Variants in SLIT2 observed in about 807,000 individuals in gnomAD.
SLIT2 encodes the protein slit homolog 2 protein.
SLIT2 carries 41 observed loss-of-function variants against 185.7 expected under a neutral mutation model. The ratio of observed to expected loss-of-function variants is 0.22; its 90% CI spans 0.17 to 0.29. The LOEUF (loss-of-function observed/expected upper bound fraction) is 0.29. Ranked by LOEUF, SLIT2 falls within the 10% of genes least tolerant of loss-of-function variation. The probability of loss-of-function intolerance (pLI) is 1.00; values close to 1 mark genes in which losing one functional copy is unlikely to be tolerated. For missense variants in SLIT2, 1,571 were observed against 1,909.0 expected, an observed-to-expected ratio of 0.82 and a Z score of 3.30; for synonymous variants, 693 against 680.2, an observed-to-expected ratio of 1.02 and a Z score of -0.29.
chr4:20,523,923 A>C lies in SLIT2; in HGVS notation c.1274+20A>C. 6.2e-7 allele frequency: 1 copy of C among 1,613,694 alleles called. No homozygotes were observed. On this transcript the variant is annotated intron_variant, in intron 13 of 36. Coordinates refer to ENST00000504154, the MANE Select transcript of SLIT2 (RefSeq NM_004787.4). Reference sequence around the variant, plus strand: ...AACTATGTATGTATAAGTGATTTGGATCACTTTTGATGACATTGTTTCCTC... The same window carrying C: ...AACTATGTATGTATAAGTGATTTGGCTCACTTTTGATGACATTGTTTCCTC...
chr4:20,546,852 G>C (rs1021614075), intron 22 of SLIT2, among the ~76,000 whole-genome samples: 2 of 151,846 alleles, frequency 1.3e-5, no homozygotes, highest in Non-Finnish European at 2.9e-5. Flanking sequence ...TGGTAATTGA[G>C]AAAACTTTTC....
At chr4:20,572,108 G>T (rs1433895341) in intron 29 of SLIT2, among the ~76,000 whole-genome samples, 3 of 152,216 alleles carry the variant, frequency 2.0e-5, no homozygotes, top group Non-Finnish European at 4.4e-5. Flanking sequence ...TGTTAGAGGA[G>T]AAAATTCTCT....
intron 4 of SLIT2, among the ~76,000 whole-genome samples, chr4:20,431,717 C>T (rs566655835): frequency 3.9e-5 from 6 of 152,270 alleles, no homozygotes; most frequent in East Asian, 1.9e-4. Flanking sequence ...AAGGGCTGGT[C>T]GAGGTCCGCT....
At chr4:20,342,176 T>G (rs1037211098) in intron 4 of SLIT2, among the ~76,000 whole-genome samples, 10 of 152,212 alleles carry the variant, frequency 6.6e-5, no homozygotes, top group Non-Finnish European at 1.3e-4. Context: ...ATTAGTGATT[T>G]CCTTTAAGTT....
intron 3 of SLIT2, among the ~76,000 whole-genome samples, chr4:20,262,454 C>T (rs1712575845): frequency 6.6e-6 from 1 of 151,824 alleles, no homozygotes; most frequent in South Asian, 2.1e-4. Flanking sequence ...AAGGATTAGT[C>T]TCTTCTGACT....
chr4:20,411,599 C>G (rs777517531), intron 4 of SLIT2, among the ~76,000 whole-genome samples: 1 of 152,168 alleles, frequency 6.6e-6, no homozygotes, highest in Non-Finnish European at 1.5e-5. Flanking sequence ...AACTTGAACT[C>G]AGCAAGGTCC....
chr4:20,608,173 G>C (rs1728934703), intron 33 of SLIT2, among the ~76,000 whole-genome samples: 1 of 151,984 alleles, frequency 6.6e-6, no homozygotes, highest in Non-Finnish European at 1.5e-5. Context: ...GTATCTTTCA[G>C]TCATTTTACA....
chr4:20,346,414 T>C (rs1231230551), intron 4 of SLIT2, among the ~76,000 whole-genome samples: 1 of 152,182 alleles, frequency 6.6e-6, no homozygotes, highest in Non-Finnish European at 1.5e-5. Flanking sequence ...AAATATCCTC[T>C]GAGGGGCAAA....
chr4:20,337,112 G>C (rs1412187899), intron 4 of SLIT2, among the ~76,000 whole-genome samples: 1 of 152,108 alleles, frequency 6.6e-6, no homozygotes, highest in African/African-American at 2.4e-5. Flanking sequence ...TTTAGCAAAG[G>C]CTAGGTTAAG....
At chr4:20,352,980 TAC>T (rs1722009983) in intron 4 of SLIT2, among the ~76,000 whole-genome samples, 1 of 152,162 alleles carries the variant, frequency 6.6e-6, no homozygotes, top group Non-Finnish European at 1.5e-5. Flanking sequence ...TAATATAGAT[TAC>T]ACACCTTTAT....
chr4:20,490,913 C>A (rs1717729173), intron 8 of SLIT2: 2 of 889,226 alleles, frequency 2.2e-6, no homozygotes, highest in Non-Finnish European at 3.6e-6. Context: ...CTCTTCCTGG[C>A]ACGTCACCAC....
intron 4 of SLIT2, among the ~76,000 whole-genome samples, chr4:20,317,142 G>A (rs1251188049): frequency 1.3e-5 from 2 of 151,796 alleles, no homozygotes; most frequent in African/African-American, 2.4e-5. Flanking sequence ...GACATACATA[G>A]GAGAGTAATA....
At chr4:20,441,595 A>G (rs901208860) in intron 4 of SLIT2, among the ~76,000 whole-genome samples, 2 of 151,286 alleles carry the variant, frequency 1.3e-5, no homozygotes, top group South Asian at 2.1e-4. Flanking sequence ...GCAAAAATAC[A>G]TACATACACA....
chr4:20,334,712 C>T (rs1720348975), intron 4 of SLIT2, among the ~76,000 whole-genome samples: 1 of 152,116 alleles, frequency 6.6e-6, no homozygotes, highest in African/African-American at 2.4e-5. Context: ...CTTTGTACCT[C>T]AGTTTTTCAT....
intron 19 of SLIT2, 74 bp downstream of exon 19, chr4:20,539,658 T>G: frequency 1.1e-6 from 1 of 951,020 alleles, no homozygotes; most frequent in South Asian, 2.7e-5. Context: ...AATATATTAT[T>G]AAGCATTTCA....
chr4:20,305,143 T>C (rs911775042), intron 4 of SLIT2, among the ~76,000 whole-genome samples: 2 of 152,218 alleles, frequency 1.3e-5, no homozygotes, highest in Non-Finnish European at 2.9e-5. Flanking sequence ...ATTTAGCTGC[T>C]GCTAAACTGG....
rs138209007 is a variant in SLIT2 at position 20,594,984 on chromosome 4, G to T, written c.3183-713G>T. Among the ~76,000 whole-genome samples the T allele has an allele frequency of 1.6e-4, 24 of 152,272 alleles. No individual in the cohort carries two copies. In the East Asian group the frequency reaches 4.3e-3, roughly 27 times the overall value. ...AGCAGGGCCAGAGGAAGTGCTCAGT[G>T]AATGTCAGCTGTATTATTACTCCTG... is the stretch of plus-strand genomic sequence containing the variant. On this transcript the variant is annotated intron_variant, in intron 30 of 36. Transcript: ENST00000504154.
intron 4 of SLIT2, among the ~76,000 whole-genome samples, chr4:20,378,634 C>T (rs9884539): frequency 0.11 from 16,604 of 152,052 alleles, 977 homozygotes; most frequent in African/African-American, 0.16. Context: ...CATTTGATCA[C>T]CTGTATTTTC....
chr4:20,535,553 C>T (rs893179872), intron 18 of SLIT2, among the ~76,000 whole-genome samples: 8 of 151,990 alleles, frequency 5.3e-5, no homozygotes, highest in South Asian at 2.1e-4. Context: ...TGTCTTCAGG[C>T]GGCCATAATG....
Sources: allele counts gnomAD v4.1 joint callset (sites outside exome capture counted in the v4.1 genomes callset), GRCh38; gene constraint gnomAD v4.1.1; transcripts MANE v1.5; gene names NCBI Gene and HGNC (gene_info 2026-07-23, HGNC 2026-07-21).